AMBRA1: variants seen among roughly 807,000 people sequenced by gnomAD.
AMBRA1 encodes autophagy and beclin 1 regulator 1, also known as activating molecule in BECN1-regulated autophagy protein 1.
AMBRA1 carries 47 observed loss-of-function variants against 125.4 expected under a neutral mutation model. The observed-to-expected ratio is 0.37, with a 90% CI of 0.30 to 0.48. The LOEUF is 0.48. Ranked by LOEUF, AMBRA1 falls within the 20% of genes least tolerant of loss-of-function variation. AMBRA1 has a pLI of 0.99. For synonymous variants in AMBRA1, 626 were observed against 655.5 expected, an observed-to-expected ratio of 0.95 and a Z score of 0.69; for missense variants, 1,331 against 1,693.4, an observed-to-expected ratio of 0.79 and a Z score of 3.76.
chr11:46,462,450 G>T (rs1256008710), intron 11 of AMBRA1, among the ~76,000 whole-genome samples: 1 of 152,086 alleles, frequency 6.6e-6, no homozygotes, highest in African/African-American at 2.4e-5. Context: ...GCAGATTTTT[G>T]ATTGTCACTT....
intron 8 of AMBRA1, among the ~76,000 whole-genome samples, chr11:46,511,307 C>T (rs1176822298): frequency 6.6e-6 from 1 of 152,208 alleles, no homozygotes; most frequent in African/African-American, 2.4e-5. Context: ...TTGTTTCACT[C>T]ATCATCTATG....
intron 11 of AMBRA1, among the ~76,000 whole-genome samples, chr11:46,479,926 G>A (rs1291310465): frequency 1.3e-5 from 2 of 152,070 alleles, no homozygotes; most frequent in East Asian, 3.8e-4. Flanking sequence ...GTCAAACAAA[G>A]GACTCATTGG....
intron 7 of AMBRA1, among the ~76,000 whole-genome samples, chr11:46,532,580 G>C (rs904855476): frequency 2.0e-5 from 3 of 152,132 alleles, no homozygotes; most frequent in Admixed American, 6.5e-5. Flanking sequence ...GGGACTACAG[G>C]CACCCACCAC....
chr11:46,555,832 T>C (rs2043142639), intron 1 of AMBRA1, among the ~76,000 whole-genome samples: 1 of 152,084 alleles, frequency 6.6e-6, no homozygotes, highest in Admixed American at 6.5e-5. Flanking sequence ...CATTTAGGAG[T>C]GTGATTCAGA....
At chr11:46,592,340 G>C (rs559611232) in intron 1 of AMBRA1, among the ~76,000 whole-genome samples, 1 of 152,196 alleles carries the variant, frequency 6.6e-6, no homozygotes, top group South Asian at 2.1e-4. Flanking sequence ...AAGCTGGGAA[G>C]GAAAAGGGAA....
chr11:46,554,913 C>A (rs978672890), intron 1 of AMBRA1, among the ~76,000 whole-genome samples: 1 of 152,060 alleles, frequency 6.6e-6, no homozygotes, highest in Non-Finnish European at 1.5e-5. Flanking sequence ...CAAGTAGAAG[C>A]AAAAGACATG....
intron 1 of AMBRA1, among the ~76,000 whole-genome samples, chr11:46,571,979 C>T (rs926827432): frequency 1.3e-5 from 2 of 152,070 alleles, no homozygotes; most frequent in African/African-American, 2.4e-5. Context: ...TAAGCCACTG[C>T]GCCCTGCCCA....
intron 7 of AMBRA1, among the ~76,000 whole-genome samples, chr11:46,525,508 G>A (rs1951929636): frequency 6.6e-6 from 1 of 152,200 alleles, no homozygotes; most frequent in South Asian, 2.1e-4. Flanking sequence ...ACTTCGGAAG[G>A]CCAAGGCAGG....
intron 11 of AMBRA1, among the ~76,000 whole-genome samples, chr11:46,478,056 T>A (rs1003857353): frequency 6.6e-6 from 1 of 152,108 alleles, no homozygotes; most frequent in African/African-American, 2.4e-5. Context: ...GTGAATATAC[T>A]GAATTTGTCT....
chr11:46,590,098 C>A (rs1005952473), intron 1 of AMBRA1, among the ~76,000 whole-genome samples: 7 of 151,896 alleles, frequency 4.6e-5, no homozygotes, highest in Admixed American at 2.0e-4. Context: ...TATGGCCGAG[C>A]GAGGTGGCTC....
chr11:46,581,404 C>T (rs940435136), intron 1 of AMBRA1, among the ~76,000 whole-genome samples: 2 of 151,870 alleles, frequency 1.3e-5, no homozygotes, highest in Admixed American at 6.6e-5. Flanking sequence ...GTCAGGAGAT[C>T]GAGACCATCC....
chr11:46,415,901 G>A (rs998783108), intron 15 of AMBRA1, among the ~76,000 whole-genome samples: 2 of 152,240 alleles, frequency 1.3e-5, no homozygotes, highest in Non-Finnish European at 1.5e-5. Flanking sequence ...AGAAGCCAAA[G>A]TCAGTTTCAT....
chr11:46,421,516 A>G (rs1946849135), intron 14 of AMBRA1, among the ~76,000 whole-genome samples: 1 of 152,180 alleles, frequency 6.6e-6, no homozygotes, highest in Admixed American at 6.5e-5. Context: ...TGGGAGGTTA[A>G]TCACTGATCC....
At chr11:46,503,336 A>T (rs1464254312) in intron 9 of AMBRA1, among the ~76,000 whole-genome samples, 1 of 152,168 alleles carries the variant, frequency 6.6e-6, no homozygotes, top group Non-Finnish European at 1.5e-5. Context: ...GAGATGGGGG[A>T]ATCGCCAGTG....
rs141144553 is a variant in AMBRA1, at chr11:46,590,628, A to C, written c.-121+3200T>G. Among the ~76,000 whole-genome samples the C allele has an allele frequency of 7.4e-4, 113 of 152,304 alleles. 1 individual carries two copies. The highest frequency in any genetic ancestry group is 4.8e-3 in the East Asian group (25 of 5,190). Reference sequence around the variant, plus strand: ...ATCATCTCCAAGAACTTTCTTACTAAAAGACAGAATTCAGTCACATTCTGA... The same window carrying C: ...ATCATCTCCAAGAACTTTCTTACTACAAGACAGAATTCAGTCACATTCTGA... On this transcript the variant is annotated intron_variant, in intron 1 of 17. Coordinates refer to ENST00000683756, the MANE Select transcript of AMBRA1 (RefSeq NM_001387011.1).
chr11:46,466,345 TAAA>T (rs60898911), intron 11 of AMBRA1, among the ~76,000 whole-genome samples: 4 of 136,802 alleles, frequency 2.9e-5, no homozygotes, highest in African/African-American at 5.3e-5. Context: ...AGACTCTGTC[TAAA>T]AAAAAAAAAA....
intron 14 of AMBRA1, chr11:46,429,075 C>T (rs1947316974): frequency 1.2e-6 from 2 of 1,609,994 alleles, no homozygotes; most frequent in Non-Finnish European, 1.7e-6. Context: ...ATGTGGACAT[C>T]CTTCTTGGCC....
At chr11:46,567,715 C>T (rs1481628027) in intron 1 of AMBRA1, among the ~76,000 whole-genome samples, 4 of 152,138 alleles carry the variant, frequency 2.6e-5, no homozygotes, top group Non-Finnish European at 4.4e-5. Flanking sequence ...GACCCCACCC[C>T]AACCAGCGAT....
intron 15 of AMBRA1, among the ~76,000 whole-genome samples, chr11:46,414,760 C>T (rs745910829): frequency 2.6e-5 from 4 of 152,258 alleles, no homozygotes; most frequent in South Asian, 2.1e-4. Flanking sequence ...GGGATGACTG[C>T]GCTATCAGCC....
Sources: gnomAD v4.1 joint callset for allele counts (sites outside exome capture counted in the v4.1 genomes callset) on GRCh38, gnomAD v4.1.1 for gene constraint, MANE v1.5 for transcripts, NCBI Gene and HGNC (gene_info 2026-07-23, HGNC 2026-07-21) for gene names.